DNAJC1: variants seen among roughly 807,000 people sequenced by gnomAD.
DNAJC1 encodes the protein DnaJ heat shock protein family (Hsp40) member C1.
In DNAJC1, 58 loss-of-function variants were observed where a neutral mutation model predicts 76.6. The observed-to-expected ratio is 0.76, with a 90% CI of 0.61 to 0.94. The LOEUF (loss-of-function observed/expected upper bound fraction) is 0.94. Among genes scored for constraint, DNAJC1 ranks in the 40% least tolerant of loss-of-function variants. DNAJC1 has a pLI of 0.00. For synonymous variants in DNAJC1, 258 were observed against 267.9 expected (o/e 0.96, Z 0.36); for missense variants, 689 against 677.3 (o/e 1.02, Z -0.19).
intron 8 of DNAJC1, among the ~76,000 whole-genome samples, chr10:21,834,576 G>C (rs571763792): frequency 6.6e-6 from 1 of 152,320 alleles, no homozygotes; most frequent in South Asian, 2.1e-4. Flanking sequence ...CCTAGTCAAA[G>C]AAAGCAGTGA....
chr10:21,780,560 C>G (rs1415805614), intron 9 of DNAJC1, among the ~76,000 whole-genome samples: 1 of 152,166 alleles, frequency 6.6e-6, no homozygotes, highest in Non-Finnish European at 1.5e-5. Context: ...GATTTTGTCA[C>G]CACCAGGCCT....
intron 1 of DNAJC1, among the ~76,000 whole-genome samples, chr10:21,981,050 C>T (rs917199135): frequency 1.2e-4 from 19 of 152,060 alleles, no homozygotes; most frequent in Non-Finnish European, 2.6e-4. Flanking sequence ...CTCTCTGTTT[C>T]TATGTTTATT....
At chr10:21,810,067 T>C (rs977116114) in intron 8 of DNAJC1, among the ~76,000 whole-genome samples, 1 of 152,086 alleles carries the variant, frequency 6.6e-6, no homozygotes, top group African/African-American at 2.4e-5. Flanking sequence ...TAGCCTTAAT[T>C]ATCTCCTTAC....
At chr10:21,986,007 C>T (rs1838240967) in intron 1 of DNAJC1, among the ~76,000 whole-genome samples, 1 of 152,154 alleles carries the variant, frequency 6.6e-6, no homozygotes, top group Non-Finnish European at 1.5e-5. Context: ...GCGGGCAGAT[C>T]ACCAGGTCAG....
intron 1 of DNAJC1, among the ~76,000 whole-genome samples, chr10:21,946,287 G>A (rs549725398): frequency 5.7e-4 from 87 of 151,500 alleles, no homozygotes; most frequent in Non-Finnish European, 8.5e-4. Flanking sequence ...TGATCTGCCC[G>A]CCTCAGCCTC....
intron 8 of DNAJC1, among the ~76,000 whole-genome samples, chr10:21,845,860 C>A (rs1328033325): frequency 6.6e-6 from 1 of 151,812 alleles, no homozygotes; most frequent in African/African-American, 2.4e-5. Flanking sequence ...TGGTAATATG[C>A]CCCCAGGAAG....
chr10:21,861,215 A>T (rs1404549412), intron 8 of DNAJC1, among the ~76,000 whole-genome samples: 1 of 152,180 alleles, frequency 6.6e-6, no homozygotes, highest in Non-Finnish European at 1.5e-5. Flanking sequence ...AAGAAATTCA[A>T]ACAAGCCTGT....
At chr10:21,950,437 C>A (rs1442275010) in intron 1 of DNAJC1, among the ~76,000 whole-genome samples, 1 of 151,888 alleles carries the variant, frequency 6.6e-6, no homozygotes, top group African/African-American at 2.4e-5. Context: ...CAGCTGTACC[C>A]CCATCTCTCT....
intron 6 of DNAJC1, among the ~76,000 whole-genome samples, chr10:21,908,115 TATATATAATATATAATATATAAAA>T (rs1391835713): frequency 3.3e-4 from 35 of 106,862 alleles, no homozygotes; most frequent in South Asian, 1.2e-3. Context: ...ATATAAAATA[TATATATAATATATAATATATAAAA>T]ATATATAATA....
intron 1 of DNAJC1, among the ~76,000 whole-genome samples, chr10:21,997,069 G>C (rs150467530): frequency 2.0e-5 from 3 of 152,210 alleles, no homozygotes; most frequent in African/African-American, 7.2e-5. Context: ...CAAAGGAATA[G>C]ACTCCACAGA....
Position 21,756,628 on chromosome 10 carries a change from A to T in DNAJC1, c.*59T>A. On this transcript the variant is annotated 3_prime_UTR_variant, in exon 12 of 12. Coordinates refer to ENST00000376980, the MANE Select transcript of DNAJC1 (RefSeq NM_022365.4). Reference sequence around the variant, plus strand: ...TGAGGTACAAAATGCAAATTTCTGCATAAGATTTTTAAGATATTCATTTTG... The same window carrying T: ...TGAGGTACAAAATGCAAATTTCTGCTTAAGATTTTTAAGATATTCATTTTG... The T allele has an allele frequency of 7.3e-7, 1 of 1,360,594 alleles. No homozygotes were observed. The highest frequency in any genetic ancestry group is 1.0e-6 in the Non-Finnish European group (1 of 952,910). 84.3% of individuals were successfully genotyped at this position (1,360,594 alleles called of 1,614,324 possible). A position where few individuals can be genotyped will look rare whatever the true frequency, so the allele number is the denominator to read the frequency against.
intron 1 of DNAJC1, among the ~76,000 whole-genome samples, chr10:21,988,207 T>C (rs529450703): frequency 2.0e-5 from 3 of 152,282 alleles, no homozygotes; most frequent in South Asian, 4.1e-4. Context: ...GCATATTCTA[T>C]TGTGTCACAA....
intron 8 of DNAJC1, among the ~76,000 whole-genome samples, chr10:21,807,876 GTT>G (rs1180979236): frequency 1.3e-5 from 2 of 151,952 alleles, no homozygotes; most frequent in Non-Finnish European, 2.9e-5. Flanking sequence ...TACACGGAGG[GTT>G]TTTTCTTTCT....
intron 8 of DNAJC1, among the ~76,000 whole-genome samples, chr10:21,824,388 G>T (rs563164478): frequency 6.6e-6 from 1 of 152,286 alleles, no homozygotes; most frequent in South Asian, 2.1e-4. Flanking sequence ...TTATTTACAG[G>T]TATACAAACA....
Position 21,852,092 on chromosome 10 carries a change from TACACACACACACACACACAC to T in DNAJC1, c.978+30170_978+30189del, listed in dbSNP as rs58289439. ...ATAAAAAAAATAAAAAATTGTGAGA[TACACACACACACACACACAC>T]ACACACACACACACACACACACGGA... On this transcript the variant is annotated intron_variant, in intron 8 of 11. Coordinates refer to ENST00000376980, the MANE Select transcript of DNAJC1 (RefSeq NM_022365.4). 2.2e-3 allele frequency among the ~76,000 whole-genome samples: 326 copies of T among 146,194 alleles called. 10 individuals are homozygous for T. The East Asian group carries it at 0.028, about 13-fold the overall frequency.
chr10:21,909,804 T>TA (rs1383722123), intron 6 of DNAJC1, among the ~76,000 whole-genome samples: 1 of 152,212 alleles, frequency 6.6e-6, no homozygotes. Context: ...TCCAGATGGA[T>TA]ACAGCTAAGA....
chr10:21,991,854 C>A (rs1259028423), intron 1 of DNAJC1, among the ~76,000 whole-genome samples: 1 of 152,112 alleles, frequency 6.6e-6, no homozygotes, highest in East Asian at 1.9e-4. Flanking sequence ...GATTTGGGTA[C>A]GTGAATGTAC....
intron 8 of DNAJC1, among the ~76,000 whole-genome samples, chr10:21,861,631 T>C (rs762137594): frequency 5.3e-5 from 8 of 152,022 alleles, no homozygotes; most frequent in Non-Finnish European, 1.2e-4. Context: ...ATAAAACAGG[T>C]TGCAGTAAAG....
chr10:21,805,792 A>G (rs548789592), intron 9 of DNAJC1, among the ~76,000 whole-genome samples, 188 bp downstream of exon 9: 1 of 152,304 alleles, frequency 6.6e-6, no homozygotes, highest in South Asian at 2.1e-4. Context: ...CACAGCTGTT[A>G]ACTGTGGACC....
Sources: allele counts gnomAD v4.1 joint callset (sites outside exome capture counted in the v4.1 genomes callset), GRCh38; gene constraint gnomAD v4.1.1; transcripts MANE v1.5; gene names NCBI Gene and HGNC (gene_info 2026-07-23, HGNC 2026-07-21).